Variants in MYT1L observed in about 807,000 individuals in gnomAD.
The protein encoded by MYT1L is myelin transcription factor 1 like, also known as myelin transcription factor 1-like protein.
In MYT1L, 12 loss-of-function variants were observed where a neutral mutation model predicts 126.7. The observed-to-expected ratio is 0.09, with a 90% CI of 0.06 to 0.15. The LOEUF is 0.15. MYT1L is among the 10% of genes least tolerant of loss of function. MYT1L has a pLI of 1.00. For missense variants in MYT1L, 979 were observed against 1,585.2 expected, an observed-to-expected ratio of 0.62 and a Z score of 6.49; for synonymous variants, 541 against 604.2, an observed-to-expected ratio of 0.90 and a Z score of 1.53.
intron 1 of MYT1L, among the ~76,000 whole-genome samples, chr2:2,287,076 G>A (rs1274118111): frequency 6.6e-6 from 1 of 152,096 alleles, no homozygotes; most frequent in Non-Finnish European, 1.5e-5. Context: ...GACCAACATG[G>A]AGAAACCCGG....
At chr2:2,261,505 A>C (rs1351848919) in intron 2 of MYT1L, among the ~76,000 whole-genome samples, 1 of 152,232 alleles carries the variant, frequency 6.6e-6, no homozygotes, top group African/African-American at 2.4e-5. Context: ...GTTAGGTAGG[A>C]AACAGAATTA....
intron 3 of MYT1L, among the ~76,000 whole-genome samples, chr2:2,150,372 C>T (rs1463046394): frequency 1.3e-5 from 2 of 152,160 alleles, no homozygotes; most frequent in African/African-American, 4.8e-5. Flanking sequence ...TAAACAAAGA[C>T]AATCATTACT....
intron 2 of MYT1L, among the ~76,000 whole-genome samples, chr2:2,188,064 T>G (rs1473577744): frequency 6.6e-6 from 1 of 152,220 alleles, no homozygotes; most frequent in Non-Finnish European, 1.5e-5. Flanking sequence ...TGGCAAGCTC[T>G]AACATCTTTG....
intron 21 of MYT1L, among the ~76,000 whole-genome samples, chr2:1,836,677 T>TCCATCAGCCTGCACCCCAAGATC: frequency 4.0e-5 from 6 of 150,776 alleles, no homozygotes; most frequent in Non-Finnish European, 7.4e-5. Flanking sequence ...ACCCCAAGAT[T>TCCATCAGCCTGCACCCCAAGATC]CCATCAGCCT....
At chr2:2,251,028 C>G (rs6548118) in intron 2 of MYT1L, among the ~76,000 whole-genome samples, 65,058 of 151,918 alleles carry the variant, frequency 0.43, 14,659 homozygotes, top group East Asian at 0.82. Context: ...TTACCTGGAA[C>G]TTTAATGGCA....
At chr2:2,198,990 T>TA (rs1217665532) in intron 2 of MYT1L, among the ~76,000 whole-genome samples, 2 of 152,302 alleles carry the variant, frequency 1.3e-5, no homozygotes, top group African/African-American at 4.8e-5. Flanking sequence ...CAATTATAAA[T>TA]AAAAATTAAC....
intron 3 of MYT1L, among the ~76,000 whole-genome samples, chr2:2,086,732 C>A (rs1276715331): frequency 1.3e-5 from 2 of 152,212 alleles, no homozygotes; most frequent in African/African-American, 2.4e-5. Context: ...TTGGATCTCA[C>A]ACAAAGGGCT....
In MYT1L at chr2:2,130,813, T is replaced by A. The variant is rs1290979810; in HGVS notation, c.-304+42059A>T. Among the ~76,000 whole-genome samples the A allele has an allele frequency of 2.0e-5, 3 of 152,326 alleles. No individual in the cohort carries two copies. In the South Asian group the frequency reaches 6.2e-4, roughly 32 times the overall value. ...GAGGGGAATAATATTAGCTTTTTTC[T>A]TTGTGTGCTCTTGTTTGCTTAGTTT... On this transcript the variant is annotated intron_variant, in intron 3 of 24. Coordinates refer to ENST00000647738, the MANE Select transcript of MYT1L (RefSeq NM_001303052.2).
At chr2:2,210,820 T>C (rs2093479782) in intron 2 of MYT1L, among the ~76,000 whole-genome samples, 1 of 152,188 alleles carries the variant, frequency 6.6e-6, no homozygotes, top group Non-Finnish European at 1.5e-5. Flanking sequence ...CTTTGGGTAG[T>C]ATGGACGTTT....
chr2:2,130,399 T>C (rs2082219871), intron 3 of MYT1L, among the ~76,000 whole-genome samples: 1 of 151,998 alleles, frequency 6.6e-6, no homozygotes, highest in African/African-American at 2.4e-5. Flanking sequence ...CTCTGAATGG[T>C]ATTCCCCTGG....
chr2:2,174,299 A>G (rs2090456202), intron 2 of MYT1L, among the ~76,000 whole-genome samples: 1 of 152,236 alleles, frequency 6.6e-6, no homozygotes, highest in Admixed American at 6.5e-5. Flanking sequence ...AAAATCTCTG[A>G]TAACAATGGT....
At position 1,910,278 on chromosome 2, in the gene MYT1L, G is replaced by C; in HGVS notation, c.1779C>G (p.Asp593Glu). The change falls in exon 13 of 25, where the codon GAC (aspartate) becomes GAG (glutamate). Residue 593 changes from aspartate (D) to glutamate (E), a missense_variant. This residue lies in a region of MYT1L where 82 missense variants were observed against 177.2 expected (regional missense o/e 0.46). Coordinates refer to ENST00000647738, the MANE Select transcript of MYT1L (RefSeq NM_001303052.2). The surrounding 1 kb of genome is among the most constrained non-coding windows in gnomAD (Gnocchi z 4.8). ...AKAQEKHQSCDVSKSSQASDR... is the reference protein window; with the variant it reads ...AKAQEKHQSCEVSKSSQASDR... ...CCGAGGCCTGGCTGGACTTGGACAC[G>C]TCGCAGCTCTGGTGCTTTTCCTGTG... 1 of 1,613,250 alleles carries C rather than the reference G, an allele frequency of 6.2e-7. No homozygotes were observed. The highest frequency in any genetic ancestry group is 8.5e-7 in the Non-Finnish European group (1 of 1,179,898).
At chr2:1,998,501 T>C (rs2062066481) in intron 4 of MYT1L, among the ~76,000 whole-genome samples, 1 of 152,218 alleles carries the variant, frequency 6.6e-6, no homozygotes, top group Admixed American at 6.5e-5. Flanking sequence ...CATTAGGGAC[T>C]GAGCCCTAAA....
chr2:2,079,722 G>T (rs1406643542), intron 3 of MYT1L, among the ~76,000 whole-genome samples: 1 of 152,060 alleles, frequency 6.6e-6, no homozygotes, highest in Non-Finnish European at 1.5e-5. Context: ...CCAGAGAATG[G>T]CGTGAACCCG....
intron 3 of MYT1L, among the ~76,000 whole-genome samples, chr2:2,092,272 T>G (rs762784270): frequency 2.7e-5 from 4 of 148,556 alleles, no homozygotes; most frequent in Non-Finnish European, 5.9e-5. Context: ...AATTTCAATA[T>G]GCTTGTCTTA....
chr2:2,060,472 ATTACT>A (rs2070255170), intron 3 of MYT1L, among the ~76,000 whole-genome samples: 1 of 152,196 alleles, frequency 6.6e-6, no homozygotes, highest in Non-Finnish European at 1.5e-5. Context: ...AGAATGATCT[ATTACT>A]TTATGTTTAG....
chr2:1,957,585 CATCT>C (rs201637586), intron 8 of MYT1L, among the ~76,000 whole-genome samples: 1,929 of 150,650 alleles, frequency 0.013, 42 homozygotes, highest in African/African-American at 0.044. Context: ...ACCTATCATC[CATCT>C]ATCTATCTAT....
chr2:2,199,404 T>TAC (rs759399255), intron 2 of MYT1L, among the ~76,000 whole-genome samples: 1 of 152,122 alleles, frequency 6.6e-6, no homozygotes, highest in Non-Finnish European at 1.5e-5. Flanking sequence ...CCATAAGGGA[T>TAC]GGTGTAGACT....
chr2:2,044,526 G>C (rs182975140), intron 4 of MYT1L, among the ~76,000 whole-genome samples: 1 of 152,246 alleles, frequency 6.6e-6, no homozygotes, highest in East Asian at 1.9e-4. Flanking sequence ...ACTCTGCAAC[G>C]GGCTTTTGAA....
Sources: gnomAD v4.1 joint callset for allele counts (sites outside exome capture counted in the v4.1 genomes callset) on GRCh38, gnomAD v4.1.1 for gene constraint, gnomAD v4.1.1 regional missense constraint, Gnocchi (gnomAD v3.1) non-coding constraint, MANE v1.5 for transcripts, NCBI Gene and HGNC (gene_info 2026-07-23, HGNC 2026-07-21) for gene names.